ANKRD55: variants seen among roughly 807,000 people sequenced by gnomAD.
ANKRD55 encodes ankyrin repeat domain-containing protein 55.
ANKRD55 carries 41 observed loss-of-function variants against 60.6 expected under a neutral mutation model. That is an observed-to-expected ratio of 0.68 (90% confidence interval 0.53 to 0.88). The LOEUF (loss-of-function observed/expected upper bound fraction) is 0.88. ANKRD55 is among the 40% of genes least tolerant of loss of function. The probability of loss-of-function intolerance (pLI) is 0.00; values close to 1 mark genes in which losing one functional copy is unlikely to be tolerated. For synonymous variants in ANKRD55, 264 were observed against 290.3 expected (o/e 0.91, Z 0.92); for missense variants, 732 against 767.6 (o/e 0.95, Z 0.55).
intron 6 of ANKRD55, among the ~76,000 whole-genome samples, chr5:56,146,230 T>C (rs78604113): frequency 0.015 from 2,225 of 152,228 alleles, 51 homozygotes; most frequent in African/African-American, 0.05. Flanking sequence ...GCCAGGCACA[T>C]TATAGATGCT....
chr5:56,186,543 T>G (rs1758978778), intron 2 of ANKRD55, among the ~76,000 whole-genome samples: 1 of 152,194 alleles, frequency 6.6e-6, no homozygotes, highest in South Asian at 2.1e-4. Context: ...AGGAAAAAAA[T>G]GAATTAATAT....
chr5:56,129,773 CT>C (rs1160320592), intron 7 of ANKRD55, among the ~76,000 whole-genome samples: 3 of 152,194 alleles, frequency 2.0e-5, no homozygotes, highest in Non-Finnish European at 2.9e-5. Flanking sequence ...CTCTTGAACA[CT>C]GGGATGTGTT....
At chr5:56,210,291 T>C (rs1244253338) in intron 2 of ANKRD55, among the ~76,000 whole-genome samples, 2 of 152,182 alleles carry the variant, frequency 1.3e-5, no homozygotes, top group African/African-American at 4.8e-5. Context: ...AAGTGCTTTA[T>C]AGGCCGGGCG....
intron 2 of ANKRD55, among the ~76,000 whole-genome samples, chr5:56,220,237 G>A (rs1198643017): frequency 3.9e-5 from 6 of 152,234 alleles, no homozygotes; most frequent in African/African-American, 1.4e-4. Flanking sequence ...AATACTGATG[G>A]CTGTGAAGGG....
chr5:56,141,723 G>A (rs917815573), intron 7 of ANKRD55, among the ~76,000 whole-genome samples: 5 of 152,002 alleles, frequency 3.3e-5, no homozygotes, highest in African/African-American at 1.2e-4. Flanking sequence ...AATTTATAAC[G>A]AACTGGTAAA....
chr5:56,218,126 G>T (rs1759868428), intron 2 of ANKRD55, among the ~76,000 whole-genome samples: 1 of 152,174 alleles, frequency 6.6e-6, no homozygotes, highest in Non-Finnish European at 1.5e-5. Flanking sequence ...GCTTCTTATG[G>T]ATGAGTAAAG....
chr5:56,231,087 A>G (rs1351301206), intron 2 of ANKRD55, among the ~76,000 whole-genome samples: 1 of 152,210 alleles, frequency 6.6e-6, no homozygotes, highest in Non-Finnish European at 1.5e-5. Context: ...CCAAGGTCAC[A>G]CAGCTAAGAA....
At chr5:56,144,006 C>T (rs1480629624) in intron 6 of ANKRD55, 77 bp from the exon 7 acceptor site, 2 of 1,596,166 alleles carry the variant, frequency 1.3e-6, no homozygotes, top group East Asian at 2.2e-5. Flanking sequence ...ACTTTCTCCT[C>T]AGGCCTGGGG....
chr5:56,161,600 C>T (rs900927150), intron 5 of ANKRD55, among the ~76,000 whole-genome samples: 2 of 152,134 alleles, frequency 1.3e-5, no homozygotes, highest in African/African-American at 4.8e-5. Context: ...GGTGAAATAA[C>T]CAGGAAGCCT....
At chr5:56,162,565 C>T (rs79974097) in intron 5 of ANKRD55, among the ~76,000 whole-genome samples, 4,258 of 152,106 alleles carry the variant, frequency 0.028, 210 homozygotes, top group East Asian at 0.2. Flanking sequence ...TTCCTTGCCC[C>T]TTTAGGTCTA....
At chr5:56,105,196 C>T (rs532636852) in intron 10 of ANKRD55, among the ~76,000 whole-genome samples, 6 of 151,958 alleles carry the variant, frequency 3.9e-5, no homozygotes, top group African/African-American at 1.2e-4. Context: ...CAGCAATTCT[C>T]CTGCCTCAGC....
intron 2 of ANKRD55, among the ~76,000 whole-genome samples, chr5:56,226,669 T>C (rs1464178508): frequency 6.6e-6 from 1 of 152,038 alleles, no homozygotes; most frequent in Non-Finnish European, 1.5e-5. Context: ...CATCAAAAAG[T>C]GGGTGAAGGG....
At chr5:56,182,800 A>G (rs1758879644) in intron 3 of ANKRD55, among the ~76,000 whole-genome samples, 1 of 152,226 alleles carries the variant, frequency 6.6e-6, no homozygotes, top group African/African-American at 2.4e-5. Context: ...TTTCCTACTC[A>G]GTCTTTGCTG....
chr5:56,159,943 T>C, intron 5 of ANKRD55, 50 bp from the exon 6 acceptor site: 3 of 1,536,316 alleles, frequency 2.0e-6, no homozygotes, highest in Non-Finnish European at 2.7e-6. Context: ...GCAGTCACGG[T>C]GCTCTTGGAA....
intron 2 of ANKRD55, among the ~76,000 whole-genome samples, chr5:56,188,360 C>G (rs1054602243): frequency 3.7e-5 from 5 of 134,240 alleles, no homozygotes; most frequent in South Asian, 2.7e-4. Flanking sequence ...CCCGCCACCC[C>G]CCTACAACCA....
chr5:56,108,725 G>A (rs1351009034), intron 10 of ANKRD55, among the ~76,000 whole-genome samples: 1 of 152,112 alleles, frequency 6.6e-6, no homozygotes, highest in East Asian at 1.9e-4. Context: ...AAAATATATG[G>A]CCCTTTTCTA....
chr5:56,135,251 CT>C (rs1757532905), intron 7 of ANKRD55, among the ~76,000 whole-genome samples: 1 of 137,600 alleles, frequency 7.3e-6, no homozygotes, highest in African/African-American at 3.0e-5. Context: ...TCCTTCCTTC[CT>C]TCCTTCCTTC....
intron 7 of ANKRD55, among the ~76,000 whole-genome samples, chr5:56,141,129 A>G (rs936203223): frequency 1.6e-4 from 11 of 70,148 alleles, no homozygotes; most frequent in Non-Finnish European, 2.5e-4. Context: ...ATGCACACAC[A>G]GTTTTTTTTT....
At position 56,207,484 on chromosome 5, in the gene ANKRD55, G is replaced by A. The variant is rs114239831; in HGVS notation, c.59-23850C>T. Among the ~76,000 whole-genome samples the A allele has an allele frequency of 3.4e-3, 510 of 152,164 alleles. 3 individuals carry two copies. The highest frequency in any genetic ancestry group is 7.8e-3 in the African/African-American group (324 of 41,494). ...AAACCTGTCAGTAGGTGATTTTGTC[G>A]TTATGAGAACATCATAGAGTGTATC... On this transcript the variant is annotated intron_variant, in intron 2 of 11. Transcript: ENST00000341048.
Sources: allele counts gnomAD v4.1 joint callset (sites outside exome capture counted in the v4.1 genomes callset), GRCh38; gene constraint gnomAD v4.1.1; transcripts MANE v1.5; gene names NCBI Gene and HGNC (gene_info 2026-07-23, HGNC 2026-07-21).